Variants in DDX41 observed in about 807,000 individuals in gnomAD.
DDX41 encodes the protein DEAD-box helicase 41.
A neutral mutation model predicts 78.8 loss-of-function variants in DDX41; 50 were observed. The ratio of observed to expected loss-of-function variants is 0.63; its 90% CI spans 0.51 to 0.80. The LOEUF is 0.80. DDX41 is among the 30% of genes least tolerant of loss of function. The pLI, the probability that DDX41 is intolerant of heterozygous loss-of-function variation, is 0.00. For synonymous variants in DDX41, 381 were observed against 321.5 expected (o/e 1.19, Z -1.98); for missense variants, 633 against 849.2 (o/e 0.75, Z 3.16).
In DDX41 at chr5:177,516,702, C is replaced by G. The variant is rs1761251363; in HGVS notation, c.138+23G>C. 3 of 1,567,780 alleles carry G rather than the reference C, an allele frequency of 1.9e-6. No homozygotes were observed. In the South Asian group the frequency reaches 3.5e-5, roughly 18 times the overall value. ...CGACCCCGCGGTCACGGCCCCATCCCTCCCCGGACGCGTGCCCCTCACCAG... is the reference window on the plus strand; with the variant it reads ...CGACCCCGCGGTCACGGCCCCATCCGTCCCCGGACGCGTGCCCCTCACCAG... On this transcript the variant is annotated intron_variant, in intron 2 of 16. Transcript: ENST00000330503.
intron 6 of DDX41, 118 bp from the exon 7 acceptor site, chr5:177,515,376 G>A: frequency 9.9e-7 from 1 of 1,014,446 alleles, no homozygotes; most frequent in Non-Finnish European, 1.5e-6. Flanking sequence ...GGCTCAGAGA[G>A]AGAGAGAGAG....
At chr5:177,516,257 T>C in intron 3 of DDX41, 31 bp downstream of exon 3, 1 of 1,614,156 alleles carries the variant, frequency 6.2e-7, no homozygotes, top group South Asian at 1.1e-5. Flanking sequence ...CAGCTTCTTC[T>C]TTCTCGCCCA....
Position 177,512,659 on chromosome 5 carries a change from G to GTA in DDX41, c.1400-15_1400-14insTA. 1 of 1,613,916 alleles carries GTA rather than the reference G, an allele frequency of 6.2e-7. No homozygotes were observed. The highest frequency in any genetic ancestry group is 8.5e-7 in the Non-Finnish European group (1 of 1,179,972). On this transcript the variant is annotated splice_polypyrimidine_tract_variant and intron_variant, in intron 13 of 16. Transcript: ENST00000330503. ...GTTCCTCCTGGTCTGGGGAGGGTCA[G>GTA]GCAGACACTGTCAGAGCCACCATGG... is the stretch of plus-strand genomic sequence containing the variant.
rs1284211930 is a variant in DDX41 at position 177,516,957 on chromosome 5, C to A, written c.-12G>T. 6.2e-7 allele frequency: 1 copy of A among 1,607,944 alleles called. No individual in the cohort carries two copies. ...TCCGACTCCTCCATTCTTTGCTGCA[C>A]GCATGCGCGCCACGGCGAAACCCCG... is the stretch of plus-strand genomic sequence containing the variant. On this transcript the variant is annotated 5_prime_UTR_variant, in exon 1 of 17. Transcript: ENST00000330503.
chr5:177,511,771 G>A lies in DDX41; in HGVS notation c.*20C>T. 3.1e-6 allele frequency: 5 copies of A among 1,613,668 alleles called. No individual in the cohort carries two copies. Among genetic ancestry groups the A allele is most frequent in the Non-Finnish European group, 4.2e-6 (5 of 1,179,678 alleles). ...GTCTTGGGGACTGAGGCCTCTTGGA[G>A]AGAAGGGAAGACTGTCGGCTCAGAA... On this transcript the variant is annotated 3_prime_UTR_variant, in exon 17 of 17. Coordinates refer to ENST00000330503, the MANE Select transcript of DDX41 (RefSeq NM_016222.4).
chr5:177,512,749 G>A (rs751753037), intron 13 of DDX41, 31 bp downstream of exon 13: 24 of 1,613,176 alleles, frequency 1.5e-5, no homozygotes, highest in Middle Eastern at 1.6e-4. Flanking sequence ...TACTGCAGCA[G>A]GGTCCAAGCC....
At chr5:177,512,666 A>C in intron 13 of DDX41, 21 bp from the exon 14 acceptor site, 2 of 1,613,838 alleles carry the variant, frequency 1.2e-6, no homozygotes, top group Non-Finnish European at 1.7e-6. Context: ...TCAGGCAGAC[A>C]CTGTCAGAGC....
rs1313680693 is a variant in DDX41 at position 177,514,788 on chromosome 5, A to G, written c.848T>C (p.Leu283Pro). Residue 283 changes from leucine (L) to proline (P), a missense_variant, in exon 9 of 17, where the codon CTG becomes CCG. Around this residue, in one of 6 missense-constraint regions of DDX41, gnomAD observed 151 missense variants for 169.2 expected, o/e 0.89. Coordinates refer to ENST00000330503, the MANE Select transcript of DDX41 (RefSeq NM_016222.4). The surrounding 1 kb of genome is among the most constrained non-coding windows in gnomAD (Gnocchi z 4.2). Reference sequence around the variant, plus strand: ...GAGTGGTGAGCTGTCCTCCTGCAGCAGGCGGCAGTAGTACTCCAGGATGCC... The same window carrying G: ...GAGTGGTGAGCTGTCCTCCTGCAGCGGGCGGCAGTAGTACTCCAGGATGCC... ...THGILEYYCR[L>P]LQEDSSPLLR... 1 of 1,612,956 alleles carries G rather than the reference A, an allele frequency of 6.2e-7. No homozygotes were observed. The highest frequency in any genetic ancestry group is 1.1e-5 in the South Asian group (1 of 91,084).
At chr5:177,516,223 GATA>G in intron 3 of DDX41, 30 bp from the exon 4 acceptor site, 1 of 1,614,152 alleles carries the variant, frequency 6.2e-7, no homozygotes, top group Non-Finnish European at 8.5e-7. Context: ...ATGTCAGACA[GATA>G]CCAAAACGGT....
Position 177,516,804 on chromosome 5 carries a change from C to T in DDX41, c.59G>A (p.Gly20Glu), listed in dbSNP as rs192558384. The stretch of plus-strand genomic sequence containing the variant: ...CTCATCTTCCGCCTCGGAGCGGCTT[C>T]CTCCGGCAGGCACCTCGTCGGTGCG... ...RARTDEVPAG[G>E]SRSEAEDEDD... The change falls in exon 2 of 17, where the codon GGA (glycine) becomes GAA (glutamate). Residue 20 changes from glycine to glutamate, a missense_variant. Physicochemically the swap from Gly to Glu is moderately conservative, Grantham distance 98. Transcript: ENST00000330503. 65 of 1,612,540 alleles carry T rather than the reference C, an allele frequency of 4.0e-5. No individual in the cohort carries two copies. Among genetic ancestry groups the T allele is most frequent in the Admixed American group, 2.5e-4 (15 of 59,978 alleles).
rs1309556821 is a variant in DDX41 at position 177,515,931 on chromosome 5, G to A, written c.432C>T (p.Thr144=). ...KGITYDDPIK[T]SWTPPRYVLS... The stretch of plus-strand genomic sequence containing the variant: ...AACTGCAGACTGTACAGACATACCT[G>A]GTTTTGATGGGGTCATCATACGTAA... Residue 144 remains threonine (T), a splice_region_variant and synonymous_variant, in exon 5 of 17, where the codon ACC becomes ACT. Coordinates refer to ENST00000330503, the MANE Select transcript of DDX41 (RefSeq NM_016222.4). 4.3e-6 allele frequency: 7 copies of A among 1,614,196 alleles called. No homozygotes were observed. The highest frequency in any genetic ancestry group is 5.9e-6 in the Non-Finnish European group (7 of 1,180,038).
chr5:177,511,920 G>A lies in DDX41; in HGVS notation c.1740C>T (p.Arg580=), dbSNP rs148650463. 36 of 1,613,764 alleles carry A rather than the reference G, an allele frequency of 2.2e-5. No homozygotes were observed. In the African/African-American group the frequency reaches 2.3e-4, roughly 10 times the overall value. The change falls in exon 17 of 17, where the codon CGC becomes CGT. Residue 580 remains arginine (R), a synonymous_variant. Coordinates refer to ENST00000330503, the MANE Select transcript of DDX41 (RefSeq NM_016222.4). The part of the protein sequence containing the change: ...DESMLDIGGE[R]GCAFCGGLGH... ...CCAGGCCCCCGCAGAAGGCACAGCC[G>A]CGCTCTCCTGGGGGAATGGGGACAG...
In DDX41 at chr5:177,512,112, G is replaced by A. The variant is rs532647692; in HGVS notation, c.1716C>T (p.Ser572=). 1 of 1,613,324 alleles carries A rather than the reference G, an allele frequency of 6.2e-7. No homozygotes were observed. Among genetic ancestry groups the A allele is most frequent in the African/African-American group, 1.3e-5 (1 of 75,040 alleles). Residue 572 remains serine (S), a synonymous_variant, in exon 16 of 17, where the codon TCC becomes TCT. Coordinates refer to ENST00000330503, the MANE Select transcript of DDX41 (RefSeq NM_016222.4). ...VLQVLHCGDE[S]MLDIGGERGC... The stretch of plus-strand genomic sequence containing the variant: ...TGCAGTCACCTCCAATGTCCAGCAT[G>A]GACTCATCCCCGCAATGCAGCACCT...
rs1469624415 is a variant in DDX41, at chr5:177,513,131, G to C, written c.1231-49C>G. The C allele has an allele frequency of 6.3e-7, 1 of 1,585,626 alleles. No homozygotes were observed. Among genetic ancestry groups the C allele is most frequent in the East Asian group, 2.2e-5 (1 of 44,766 alleles). On this transcript the variant is annotated intron_variant, in intron 11 of 16. Transcript: ENST00000330503. The surrounding 1 kb of genome is among the most constrained non-coding windows in gnomAD (Gnocchi z 4.6). ...GGTGATCTTGAGATTAGGCTTACCC[G>C]CCACAGCCCTGCCATGGCCCGTCAT... is the stretch of plus-strand genomic sequence containing the variant.
At position 177,513,846 on chromosome 5, in the gene DDX41, C is replaced by G. The variant is rs780667117; in HGVS notation, c.937G>C (p.Gly313Arg). 2.5e-6 allele frequency: 4 copies of G among 1,613,442 alleles called. No individual in the cohort carries two copies. Among genetic ancestry groups the G allele is most frequent in the Non-Finnish European group, 3.4e-6 (4 of 1,179,922 alleles). Residue 313 changes from glycine (G) to arginine (R), a missense_variant and splice_region_variant, in exon 10 of 17, where the codon GGT becomes CGT. By Grantham distance (125) the Gly-to-Arg change is moderately radical. Around this residue, in one of 6 missense-constraint regions of DDX41, gnomAD observed 151 missense variants for 169.2 expected, o/e 0.89. Coordinates refer to ENST00000330503, the MANE Select transcript of DDX41 (RefSeq NM_016222.4). This position sits in a 1 kb window ranked among gnomAD's most constrained non-coding sequence, Gnocchi z 4.6. ...GGGGTGGCCACCATCATGTGTACAC[C>G]GCTGGGGACCAAGGAGAGACCCTGA... is the stretch of plus-strand genomic sequence containing the variant. ...VKEQMETIRHGVHMMVATPGR... is the reference protein window; with the variant it reads ...VKEQMETIRHRVHMMVATPGR...
At position 177,516,794 on chromosome 5, in the gene DDX41, G is replaced by A; in HGVS notation, c.69C>T (p.Ser23=). Residue 23 remains serine (S), a synonymous_variant, in exon 2 of 17, where the codon TCC becomes TCT. Coordinates refer to ENST00000330503, the MANE Select transcript of DDX41 (RefSeq NM_016222.4). ...TDEVPAGGSR[S]EAEDEDDEDY... ...CCTCGTCGTCCTCATCTTCCGCCTC[G>A]GAGCGGCTTCCTCCGGCAGGCACCT... 1.9e-6 allele frequency: 3 copies of A among 1,612,688 alleles called. No individual in the cohort carries two copies. Among genetic ancestry groups the A allele is most frequent in the Non-Finnish European group, 2.5e-6 (3 of 1,179,816 alleles).
In DDX41 at chr5:177,513,790, C is replaced by T. The variant is rs1761094964; in HGVS notation, c.993G>A (p.Lys331=). The change falls in exon 10 of 17, where the codon AAG becomes AAA. Residue 331 remains lysine (K), a synonymous_variant. Coordinates refer to ENST00000330503, the MANE Select transcript of DDX41 (RefSeq NM_016222.4). The surrounding 1 kb of genome is among the most constrained non-coding windows in gnomAD (Gnocchi z 4.6). ...AGCGACAGATGTCTAGGCTGACCATCTTCTTCTGCAGCAAATCCATGAGGC... is the reference window on the plus strand; with the variant it reads ...AGCGACAGATGTCTAGGCTGACCATTTTCTTCTGCAGCAAATCCATGAGGC... ...PGRLMDLLQK[K]MVSLDICRYL... is the part of the protein sequence containing the mutation. The T allele has an allele frequency of 6.2e-7, 1 of 1,613,704 alleles. No homozygotes were observed. Among genetic ancestry groups the T allele is most frequent in the African/African-American group, 1.3e-5 (1 of 74,902 alleles).
intron 12 of DDX41, 54 bp from the exon 13 acceptor site, chr5:177,512,930 A>C (rs1761043810): frequency 4.4e-6 from 7 of 1,605,442 alleles, no homozygotes; most frequent in Non-Finnish European, 6.0e-6. Context: ...CACCCACCGC[A>C]CCTCCCCTGG....
rs1391776262 is a variant in DDX41, at chr5:177,514,208, C to T, written c.936-361G>A. On this transcript the variant is annotated intron_variant, in intron 9 of 16. Coordinates refer to ENST00000330503, the MANE Select transcript of DDX41 (RefSeq NM_016222.4). This position sits in a 1 kb window ranked among gnomAD's most constrained non-coding sequence, Gnocchi z 4.2. Reference sequence around the variant, plus strand: ...ATACTCAGAAGTCCGTGGAGGAAGGCCTCCGGGATGGGGTCTGGCCCATCT... The same window carrying T: ...ATACTCAGAAGTCCGTGGAGGAAGGTCTCCGGGATGGGGTCTGGCCCATCT... The T allele has an allele frequency of 2.0e-6, 1 of 499,670 alleles. No homozygotes were observed. Among genetic ancestry groups the T allele is most frequent in the Admixed American group, 2.3e-5 (1 of 43,714 alleles). 31.0% of individuals were successfully genotyped at this position (499,670 alleles called of 1,614,324 possible).
Sources: allele counts gnomAD v4.1 joint callset, GRCh38; gene constraint gnomAD v4.1.1; regional missense constraint gnomAD v4.1.1; non-coding constraint Gnocchi (gnomAD v3.1); transcripts MANE v1.5; gene names NCBI Gene and HGNC (gene_info 2026-07-23, HGNC 2026-07-21).